Variants in EML2 observed in about 807,000 individuals in gnomAD.
EML2 encodes EMAP like 2.
EML2 carries 59 observed loss-of-function variants against 84.7 expected under a neutral mutation model. That is an observed-to-expected ratio of 0.70 (90% CI 0.56 to 0.86). EML2 has a LOEUF of 0.86. EML2 is among the 40% of genes least tolerant of loss of function. The pLI is 0.00. For synonymous variants in EML2, 352 were observed against 348.9 expected, an observed-to-expected ratio of 1.01 and a Z score of -0.10; for missense variants, 818 against 855.6, an observed-to-expected ratio of 0.96 and a Z score of 0.55.
chr19:45,641,988 G>A (rs1393538892), upstream of EML2: 13 of 1,446,564 alleles, frequency 9.0e-6, no homozygotes, highest in Non-Finnish European at 1.2e-5. Context: ...CGCCGCGGGG[G>A]TCCCGAGCCA....
At chr19:45,638,206 C>T (rs1973997328) in intron 3 of EML2, among the ~76,000 whole-genome samples, 1 of 152,220 alleles carries the variant, frequency 6.6e-6, no homozygotes, top group African/African-American at 2.4e-5. Context: ...GACGACTTTT[C>T]CAGGGTCACA....
chr19:45,616,840 C>A lies in EML2; in HGVS notation c.1336G>T (p.Asp446Tyr), dbSNP rs1971142306. 6.2e-7 allele frequency: 1 copy of A among 1,612,786 alleles called. No homozygotes were observed. Among genetic ancestry groups the A allele is most frequent in the African/African-American group, 1.3e-5 (1 of 74,848 alleles). ...GTVTGRWLLL[D>Y]TETHDLVAIH... Reference sequence around the variant, plus strand: ...GCCACCAGGTCATGGGTCTCCGTGTCCAGCAGCAGCCATCTTGAAGGAGAG... The same window carrying A: ...GCCACCAGGTCATGGGTCTCCGTGTACAGCAGCAGCCATCTTGAAGGAGAG... Residue 446 changes from aspartate to tyrosine, a missense_variant, in exon 14 of 19, where the codon GAC becomes TAC. By Grantham distance (160) the Asp-to-Tyr change is radical. Transcript: ENST00000245925.
At chr19:45,641,980 CCGCGGGGGT>C, upstream of EML2, 7 of 1,445,012 alleles carry the variant, frequency 4.8e-6, no homozygotes, top group Non-Finnish European at 6.3e-6. Context: ...CACCCACGCG[CCGCGGGGGT>C]CCCGAGCCAT....
chr19:45,645,327 C>A (rs1163241140), upstream of EML2: 1 of 1,532,578 alleles, frequency 6.5e-7, no homozygotes, highest in South Asian at 1.2e-5. Flanking sequence ...AAGGCCGGGC[C>A]GCGCTCCGCC....
chr19:45,643,837 G>A, upstream of EML2: 1 of 1,334,428 alleles, frequency 7.5e-7, no homozygotes, highest in Non-Finnish European at 9.9e-7. Context: ...ACCTGCAGAG[G>A]GAGGTGGGAG....
At chr19:45,634,230 G>T in intron 4 of EML2, 92 bp downstream of exon 4, 1 of 1,556,952 alleles carries the variant, frequency 6.4e-7, no homozygotes, top group Admixed American at 1.7e-5. Context: ...AACCCCACAG[G>T]GTAGCAATGT....
chr19:45,645,484 G>C, upstream of EML2: 1 of 1,407,638 alleles, frequency 7.1e-7, no homozygotes, highest in Non-Finnish European at 9.2e-7. Flanking sequence ...GCCGGCGCCG[G>C]GCCCGGCGCT....
intron 6 of EML2, among the ~76,000 whole-genome samples, chr19:45,632,232 G>C (rs1165655392): frequency 6.7e-6 from 1 of 150,328 alleles, no homozygotes; most frequent in African/African-American, 2.5e-5. Context: ...CTGTCGCCCA[G>C]GCTGGAGTGC....
chr19:45,621,888 G>A (rs1971759038), intron 9 of EML2, among the ~76,000 whole-genome samples: 1 of 152,014 alleles, frequency 6.6e-6, no homozygotes, highest in Admixed American at 6.6e-5. Context: ...GGGATTACAG[G>A]CGCCCACCAC....
chr19:45,614,188 GT>G (rs1231676966), intron 17 of EML2, among the ~76,000 whole-genome samples: 1 of 152,124 alleles, frequency 6.6e-6, no homozygotes, highest in Admixed American at 6.6e-5. Context: ...GGGTTTCCCT[GT>G]CTCAGACCTG....
upstream of EML2, chr19:45,639,504 G>A: frequency 1.0e-6 from 1 of 953,672 alleles, no homozygotes; most frequent in Non-Finnish European, 1.4e-6. Flanking sequence ...GGAGCCGGAG[G>A]GTCCCACCGG....
chr19:45,632,877 A>G lies in EML2; in HGVS notation c.494T>C (p.Val165Ala). 1 of 1,614,066 alleles carries G rather than the reference A, an allele frequency of 6.2e-7. No individual in the cohort carries two copies. Among genetic ancestry groups the G allele is most frequent in the Non-Finnish European group, 8.5e-7 (1 of 1,179,994 alleles). The change falls in exon 6 of 19, where the codon GTG (valine) becomes GCG (alanine). Residue 165 changes from valine to alanine, a missense_variant. Coordinates refer to ENST00000245925, the MANE Select transcript of EML2 (RefSeq NM_012155.4). ...LGVFDRAVCCVGFSKSNGGNL... is the reference protein window; with the variant it reads ...LGVFDRAVCCAGFSKSNGGNL... ...AGGACTTACAGATTTGGAGAAGCCC[A>G]CACAGCACACGGCTCTGTCAAACAC...
chr19:45,624,594 G>C (rs547954838), intron 9 of EML2, 125 bp downstream of exon 9: 4 of 684,938 alleles, frequency 5.8e-6, no homozygotes, highest in East Asian at 2.8e-5. Flanking sequence ...GAACCTTGAC[G>C]AGGGTGTTGG....
intron 6 of EML2, 64 bp from the exon 7 acceptor site, chr19:45,630,110 G>T: frequency 8.5e-7 from 1 of 1,180,388 alleles, no homozygotes. Context: ...CTCCCCCCAT[G>T]CCCACCAAGG....
chr19:45,630,234 T>A (rs751782177), intron 6 of EML2, among the ~76,000 whole-genome samples, 188 bp from the exon 7 acceptor site: 3 of 151,802 alleles, frequency 2.0e-5, no homozygotes, highest in Non-Finnish European at 4.4e-5. Context: ...ACCCTGTCTC[T>A]TAAACAAAAC....
chr19:45,619,099 G>A lies in EML2; in HGVS notation c.1215C>T (p.Ser405=). ...TCCACAGGGGCTGGTGGGAATCTGA[G>A]CTCCATAGATGCACCAGCTTATCCT... ...CGQDKLVHLW[S]SDSHQPLWSR... Residue 405 remains serine (S), a synonymous_variant, in exon 12 of 19, where the codon AGC becomes AGT. Coordinates refer to ENST00000245925, the MANE Select transcript of EML2 (RefSeq NM_012155.4). The A allele has an allele frequency of 6.2e-7, 1 of 1,613,518 alleles. No homozygotes were observed. Among genetic ancestry groups the A allele is most frequent in the Admixed American group, 1.7e-5 (1 of 59,988 alleles).
Position 45,633,457 on chromosome 19 carries a change from G to GTT in EML2, c.330-320_330-319dup, listed in dbSNP as rs34593917. On this transcript the variant is annotated intron_variant, in intron 4 of 18. Transcript: ENST00000245925. ...AGGAATTGTCTGGAGTGCCTATTCA[G>GTT]TTTTTTTTTTTTTTAAGAGGCGGAG... Among the ~76,000 whole-genome samples the GTT allele has an allele frequency of 3.5e-3, 508 of 145,964 alleles. 3 individuals are homozygous for GTT. The highest frequency in any genetic ancestry group is 6.8e-3 in the African/African-American group (272 of 39,802).
At chr19:45,624,895 G>T in intron 8 of EML2, 77 bp from the exon 9 acceptor site, 1 of 1,066,126 alleles carries the variant, frequency 9.4e-7, no homozygotes, top group Non-Finnish European at 1.4e-6. Context: ...TGTCACCCAG[G>T]ACCGTGGCCA....
chr19:45,609,839 C>A (rs1275320862), intron 18 of EML2, 51 bp from the exon 19 acceptor site: 1 of 1,594,762 alleles, frequency 6.3e-7, no homozygotes, highest in Non-Finnish European at 8.5e-7. Flanking sequence ...GACAATGCCA[C>A]CCCATCATGG....
Sources: gnomAD v4.1 joint callset for allele counts (sites outside exome capture counted in the v4.1 genomes callset) on GRCh38, gnomAD v4.1.1 for gene constraint, MANE v1.5 for transcripts, NCBI Gene and HGNC (gene_info 2026-07-23, HGNC 2026-07-21) for gene names.